SOX5: variants seen among roughly 807,000 people sequenced by gnomAD.
SOX5 encodes the protein SRY-box transcription factor 5, also known as transcription factor SOX-5.
In SOX5, 9 loss-of-function variants were observed where a neutral mutation model predicts 92.0. That is an observed-to-expected ratio of 0.10 (90% CI 0.06 to 0.17). The LOEUF (loss-of-function observed/expected upper bound fraction) is 0.17, where lower values mean the gene tolerates loss of function less well. Ranked by LOEUF, SOX5 falls within the 10% of genes least tolerant of loss-of-function variation. The pLI, the probability that SOX5 is intolerant of heterozygous loss-of-function variation, is 1.00. For synonymous variants in SOX5, 344 were observed against 336.3 expected, an observed-to-expected ratio of 1.02 and a Z score of -0.25; for missense variants, 642 against 944.5, an observed-to-expected ratio of 0.68 and a Z score of 4.20.
intron 1 of SOX5, among the ~76,000 whole-genome samples, chr12:24,513,111 C>T (rs1478448831): frequency 6.6e-6 from 1 of 152,218 alleles, no homozygotes; most frequent in East Asian, 1.9e-4. Context: ...GCCATGCAAC[C>T]ATGCAGCTAA....
At chr12:24,347,496 G>T (rs187597701) in intron 2 of SOX5, among the ~76,000 whole-genome samples, 1 of 151,508 alleles carries the variant, frequency 6.6e-6, no homozygotes, top group Non-Finnish European at 1.5e-5. Flanking sequence ...CAATTTTCAA[G>T]CAAAAAAAAT....
intron 4 of SOX5, among the ~76,000 whole-genome samples, chr12:24,136,357 A>C (rs1228014903): frequency 3.9e-5 from 6 of 152,352 alleles, no homozygotes; most frequent in African/African-American, 1.4e-4. Flanking sequence ...TTTCTGTTCT[A>C]CTTTTAATAG....
chr12:24,174,674 A>G (rs1954605165), intron 4 of SOX5, among the ~76,000 whole-genome samples: 1 of 152,182 alleles, frequency 6.6e-6, no homozygotes, highest in Non-Finnish European at 1.5e-5. Flanking sequence ...ATACAAAATT[A>G]GCCAGGTGTG....
At chr12:24,245,666 C>T (rs1239801586) in intron 3 of SOX5, among the ~76,000 whole-genome samples, 1 of 151,994 alleles carries the variant, frequency 6.6e-6, no homozygotes, top group Non-Finnish European at 1.5e-5. Flanking sequence ...ATTATTATGG[C>T]CCATGTCTAG....
chr12:23,640,813 T>C lies in SOX5; in HGVS notation c.1016A>G (p.Gln339Arg). The stretch of plus-strand genomic sequence containing the variant: ...CCTCTGTATTGTTTCCTGACTTACC[T>C]GCAGTTGGAGTGGGCCTAAGCCTGG... ...ATPGLGPLQL[Q>R]QLYAAQLAAM... Residue 339 changes from glutamine to arginine, a missense_variant and splice_region_variant, in exon 8 of 15, where the codon CAG (glutamine) becomes CGG (arginine). This residue lies in a region of SOX5 where 324 missense variants were observed against 461.6 expected (regional missense o/e 0.70). Coordinates refer to ENST00000451604, the MANE Select transcript of SOX5 (RefSeq NM_006940.6). 6.2e-7 allele frequency: 1 copy of C among 1,611,206 alleles called. No individual in the cohort carries two copies. Among genetic ancestry groups the C allele is most frequent in the Non-Finnish European group, 8.5e-7 (1 of 1,177,302 alleles).
At chr12:24,407,020 C>T (rs1026291372) in intron 1 of SOX5, among the ~76,000 whole-genome samples, 45 of 152,056 alleles carry the variant, frequency 3.0e-4, no homozygotes, top group African/African-American at 8.9e-4. Context: ...AGGACTTAAG[C>T]GGCCTTGCAA....
At chr12:24,339,639 T>C (rs574949) in intron 2 of SOX5, among the ~76,000 whole-genome samples, 132,018 of 152,164 alleles carry the variant, frequency 0.87, 57,496 homozygotes, top group East Asian at 0.98. Flanking sequence ...GAAATGATTG[T>C]ATAAAAGAAA....
intron 1 of SOX5, among the ~76,000 whole-genome samples, chr12:24,384,517 A>C (rs1958169735): frequency 1.3e-5 from 2 of 152,244 alleles, no homozygotes; most frequent in African/African-American, 4.8e-5. Flanking sequence ...CTTCCTTTAA[A>C]AAGTGAAAAG....
At chr12:23,926,345 A>C (rs1020617791) in intron 1 of SOX5, among the ~76,000 whole-genome samples, 6 of 152,038 alleles carry the variant, frequency 3.9e-5, no homozygotes, top group Non-Finnish European at 7.4e-5. Context: ...TAATATATGT[A>C]GTAGGAAGGA....
At chr12:23,622,886 A>G (rs1278175035) in intron 8 of SOX5, among the ~76,000 whole-genome samples, 5 of 152,168 alleles carry the variant, frequency 3.3e-5, no homozygotes, top group Admixed American at 6.6e-5. Context: ...CTATTATTTT[A>G]GCCATTAAAA....
intron 4 of SOX5, among the ~76,000 whole-genome samples, chr12:24,050,262 A>T (rs1366596088): frequency 4.6e-5 from 7 of 152,084 alleles, no homozygotes; most frequent in Admixed American, 3.3e-4. Flanking sequence ...CAAGATTTTT[A>T]AAAAATGCTA....
intron 4 of SOX5, among the ~76,000 whole-genome samples, chr12:24,062,320 T>G (rs1054374734): frequency 6.6e-6 from 1 of 152,232 alleles, no homozygotes; most frequent in Non-Finnish European, 1.5e-5. Context: ...TAACTTCTCT[T>G]TCTGGTTTCA....
chr12:23,716,283 G>A (rs938699594), intron 6 of SOX5, among the ~76,000 whole-genome samples: 2 of 152,142 alleles, frequency 1.3e-5, no homozygotes, highest in African/African-American at 4.8e-5. Flanking sequence ...ATTATTAACA[G>A]AGGAAAAGAA....
rs57341898 is a variant in SOX5 at position 23,752,048 on chromosome 12, G to A, written c.568+3590C>T. Among the ~76,000 whole-genome samples, 120 of 151,402 alleles carry A rather than the reference G, an allele frequency of 7.9e-4. 1 individual carries two copies. The highest frequency in any genetic ancestry group is 2.0e-3 in the African/African-American group (81 of 41,322). On this transcript the variant is annotated intron_variant, in intron 4 of 14. Transcript: ENST00000451604. ...GTTTGTGGGCCTGAATTAATGCACC[G>A]TGACCAGGGTCAGAAGAATCCATCA...
chr12:23,898,221 T>G (rs2097196702), intron 1 of SOX5, among the ~76,000 whole-genome samples: 1 of 152,200 alleles, frequency 6.6e-6, no homozygotes, highest in African/African-American at 2.4e-5. Context: ...AACTTTTAAT[T>G]ATTTCTTAGT....
chr12:24,007,038 C>T lies in SOX5; in HGVS notation c.-1-111014G>A, dbSNP rs1039955091. On this transcript the variant is annotated intron_variant, in intron 4 of 4. Coordinates refer to the SOX5 transcript ENST00000446891. Reference sequence around the variant, plus strand: ...ATCCCAGCTACTCGGGAGGCTGAGGCAGGAGAACCACTTGAACCCAGGAGG... The same window carrying T: ...ATCCCAGCTACTCGGGAGGCTGAGGTAGGAGAACCACTTGAACCCAGGAGG... Among the ~76,000 whole-genome samples the T allele has an allele frequency of 2.7e-5, 4 of 149,700 alleles. No individual in the cohort carries two copies. The Admixed American group carries it at 2.7e-4, about 10-fold the overall frequency.
chr12:24,350,779 G>A (rs979312247), intron 2 of SOX5, among the ~76,000 whole-genome samples: 2 of 152,184 alleles, frequency 1.3e-5, no homozygotes, highest in African/African-American at 4.8e-5. Context: ...AAGGCTAGGT[G>A]CAGTGGTTCA....
At chr12:24,127,792 G>A (rs1200653871) in intron 4 of SOX5, among the ~76,000 whole-genome samples, 1 of 152,134 alleles carries the variant, frequency 6.6e-6, no homozygotes, top group African/African-American at 2.4e-5. Context: ...GAAGCCTGAT[G>A]CATAAACCAA....
chr12:23,658,526 A>T (rs1478699057), intron 7 of SOX5, among the ~76,000 whole-genome samples: 4 of 152,208 alleles, frequency 2.6e-5, no homozygotes, highest in Non-Finnish European at 5.9e-5. Context: ...GATCTCCCAA[A>T]GTCATCGGTT....
Sources: allele counts gnomAD v4.1 joint callset (sites outside exome capture counted in the v4.1 genomes callset), GRCh38; gene constraint gnomAD v4.1.1; regional missense constraint gnomAD v4.1.1; transcripts MANE v1.5; gene names NCBI Gene and HGNC (gene_info 2026-07-23, HGNC 2026-07-21).